The following ROBO2 variants were observed in gnomAD, a reference collection of about 807,000 sequenced individuals.
The protein encoded by ROBO2 is roundabout guidance receptor 2, also known as roundabout homolog 2.
Under a neutral mutation model 160.8 loss-of-function variants are expected in ROBO2, and 53 were observed. That is an observed-to-expected ratio of 0.33 (90% CI 0.26 to 0.41). The LOEUF (loss-of-function observed/expected upper bound fraction) is 0.41, where lower values mean the gene tolerates loss of function less well. Among genes scored for constraint, ROBO2 ranks in the 10% least tolerant of loss-of-function variants. ROBO2 has a pLI of 1.00. For synonymous variants in ROBO2, 664 were observed against 611.7 expected, an observed-to-expected ratio of 1.09 and a Z score of -1.26; for missense variants, 1,577 against 1,722.4, an observed-to-expected ratio of 0.92 and a Z score of 1.49.
At chr3:77,616,221 A>G (rs1216417013) in intron 21 of ROBO2, among the ~76,000 whole-genome samples, 2 of 152,198 alleles carry the variant, frequency 1.3e-5, no homozygotes, top group East Asian at 1.9e-4. Flanking sequence ...AGGCAGTTAC[A>G]AGCAAGTGAT....
In ROBO2 at chr3:77,605,170, A is replaced by G. The variant is rs141557725; in HGVS notation, c.3137-2628A>G. 3.5e-3 allele frequency among the ~76,000 whole-genome samples: 526 copies of G among 149,546 alleles called. 2 individuals carry two copies. Among genetic ancestry groups the G allele is most frequent in the African/African-American group, 0.012 (492 of 40,972 alleles). ...CAGACTGAGACCCTGTCTCAAGGAA[A>G]AAAAAAAAGTATATATATAGTATAT... On this transcript the variant is annotated intron_variant, in intron 20 of 25. Coordinates refer to ENST00000461745, the Ensembl canonical transcript of ROBO2.
intron 2 of ROBO2, among the ~76,000 whole-genome samples, chr3:76,847,692 C>T (rs2068903860): frequency 6.6e-6 from 1 of 152,014 alleles, no homozygotes; most frequent in African/African-American, 2.4e-5. Flanking sequence ...GTGGTATTCC[C>T]CTTTCTCAGT....
chr3:77,580,012 C>T lies in ROBO2; in HGVS notation c.2394C>T (p.Ser798=), dbSNP rs200412132. ...AAACTGTGGATGCAGCCATTCGGTCCGTAATAATTGGTGGATTATTCCCAG... is the reference window on the plus strand; with the variant it reads ...AAACTGTGGATGCAGCCATTCGGTCTGTAATAATTGGTGGATTATTCCCAG... The change falls in exon 16 of 26, where the codon TCC becomes TCT. Residue 798 remains serine, a synonymous_variant. Transcript: ENST00000461745. 1,490 of 1,613,496 alleles carry T rather than the reference C, an allele frequency of 9.2e-4. 1 individual carries two copies. Among genetic ancestry groups the T allele is most frequent in the Non-Finnish European group, 1.2e-3 (1,430 of 1,179,654 alleles).
chr3:76,980,447 A>C (rs2060039793), intron 2 of ROBO2, among the ~76,000 whole-genome samples: 1 of 152,170 alleles, frequency 6.6e-6, no homozygotes. Flanking sequence ...TTTCTATACC[A>C]GACTGTGGCC....
At chr3:77,074,270 A>G (rs1220214855) in intron 1 of ROBO2, among the ~76,000 whole-genome samples, 1 of 152,200 alleles carries the variant, frequency 6.6e-6, no homozygotes, top group Non-Finnish European at 1.5e-5. Context: ...AACTGTCTCC[A>G]GAAGTGTTAA....
chr3:76,405,520 G>A (rs13321985), intron 2 of ROBO2, among the ~76,000 whole-genome samples: 1 of 151,588 alleles, frequency 6.6e-6, no homozygotes, highest in East Asian at 1.9e-4. Flanking sequence ...AGTAAATCTG[G>A]TCATCAGTCC....
At chr3:76,757,774 A>T (rs541690457) in intron 2 of ROBO2, among the ~76,000 whole-genome samples, 78 of 151,926 alleles carry the variant, frequency 5.1e-4, no homozygotes, top group African/African-American at 1.8e-3. Flanking sequence ...GAGAGATTGA[A>T]CCTTCTAAAC....
intron 2 of ROBO2, among the ~76,000 whole-genome samples, chr3:76,279,887 T>G (rs1708140463): frequency 6.6e-6 from 1 of 152,014 alleles, no homozygotes; most frequent in Admixed American, 6.6e-5. Context: ...TGGGATTGAT[T>G]TGGTAAGATT....
intron 2 of ROBO2, among the ~76,000 whole-genome samples, chr3:77,100,293 A>G (rs1371183125): frequency 6.6e-6 from 1 of 152,168 alleles, no homozygotes; most frequent in Non-Finnish European, 1.5e-5. Flanking sequence ...GGGAGTGAAT[A>G]AAATCCCTTT....
At chr3:76,534,652 G>A (rs1433552664) in intron 2 of ROBO2, among the ~76,000 whole-genome samples, 1 of 152,090 alleles carries the variant, frequency 6.6e-6, no homozygotes, top group African/African-American at 2.4e-5. Flanking sequence ...GCTGGATGCT[G>A]GTCTGCTTGC....
chr3:75,939,576 A>G (rs201896558), intron 2 of ROBO2, among the ~76,000 whole-genome samples: 1 of 152,154 alleles, frequency 6.6e-6, no homozygotes, highest in South Asian at 2.1e-4. Flanking sequence ...GAACAAAACA[A>G]CTTAATAGAA....
chr3:76,978,917 GT>G (rs1167066418), intron 2 of ROBO2, among the ~76,000 whole-genome samples: 3 of 146,792 alleles, frequency 2.0e-5, no homozygotes, highest in South Asian at 2.1e-4. Context: ...CAGTTTTAGA[GT>G]TTTTTTTGTT....
At chr3:75,969,888 T>G (rs2064942758) in intron 2 of ROBO2, among the ~76,000 whole-genome samples, 1 of 151,658 alleles carries the variant, frequency 6.6e-6, no homozygotes, top group Non-Finnish European at 1.5e-5. Flanking sequence ...TTTAGTTTGA[T>G]GCAGTCTTAC....
chr3:76,800,272 C>T (rs143417581), intron 2 of ROBO2, among the ~76,000 whole-genome samples: 4 of 152,206 alleles, frequency 2.6e-5, no homozygotes, highest in East Asian at 1.9e-4. Context: ...AACTACTAAA[C>T]GGAAACATTA....
At chr3:77,369,462 A>T (rs2071425975) in intron 2 of ROBO2, among the ~76,000 whole-genome samples, 1 of 152,144 alleles carries the variant, frequency 6.6e-6, no homozygotes, top group South Asian at 2.1e-4. Flanking sequence ...AAACCAAGCG[A>T]TAATCTTGTA....
chr3:77,257,814 G>A (rs184462841), intron 2 of ROBO2, among the ~76,000 whole-genome samples: 289 of 152,258 alleles, frequency 1.9e-3, no homozygotes, highest in Non-Finnish European at 3.4e-3. Flanking sequence ...TTTTTGGTTC[G>A]TATTATGGGT....
Position 77,379,460 on chromosome 3 carries a change from A to T in ROBO2, c.389-97954A>T, listed in dbSNP as rs533996069. ...CGAGGGTTGCCTGATTAAAAAAAAA[A>T]ATTAAAAGTCAATGACTCTGACACC... On this transcript the variant is annotated intron_variant, in intron 2 of 25. Coordinates refer to ENST00000461745, the Ensembl canonical transcript of ROBO2. Among the ~76,000 whole-genome samples, 4 of 152,296 alleles carry T rather than the reference A, an allele frequency of 2.6e-5. No homozygotes were observed. The South Asian group carries it at 8.3e-4, about 32-fold the overall frequency.
At chr3:77,384,951 T>G (rs560318557) in intron 2 of ROBO2, among the ~76,000 whole-genome samples, 2 of 152,304 alleles carry the variant, frequency 1.3e-5, no homozygotes, top group Non-Finnish European at 2.9e-5. Flanking sequence ...CAGTGCAATC[T>G]CTGCAAAACA....
intron 2 of ROBO2, among the ~76,000 whole-genome samples, chr3:76,472,398 A>G (rs1402291856): frequency 1.6e-4 from 24 of 152,108 alleles, no homozygotes; most frequent in Admixed American, 1.2e-3. Context: ...TATTATTCTG[A>G]GAAACAGAAG....
Sources: gnomAD v4.1 joint callset for allele counts (sites outside exome capture counted in the v4.1 genomes callset) on GRCh38, gnomAD v4.1.1 for gene constraint, MANE v1.5 for transcripts, NCBI Gene and HGNC (gene_info 2026-07-23, HGNC 2026-07-21) for gene names.